The following PRKAR1A variants were observed in gnomAD, a reference collection of about 807,000 sequenced individuals.
PRKAR1A encodes the protein protein kinase cAMP-dependent type I regulatory subunit alpha.
A neutral mutation model predicts 52.0 loss-of-function variants in PRKAR1A; 3 were observed. That is an observed-to-expected ratio of 0.06 (90% CI 0.03 to 0.15). The LOEUF is 0.15. Ranked by LOEUF, PRKAR1A falls within the 10% of genes least tolerant of loss-of-function variation. PRKAR1A has a pLI of 1.00. For synonymous variants in PRKAR1A, 188 were observed against 168.4 expected (o/e 1.12, Z -0.90); for missense variants, 240 against 477.4 (o/e 0.50, Z 4.63).
the PRKAR1A span, chr17:68,444,699 G>A: frequency 1.2e-6 from 1 of 828,266 alleles, no homozygotes; most frequent in Admixed American, 3.1e-5. Context: ...TAAGCCTAAA[G>A]CAGAATTTTG....
chr17:68,528,145 CTG>C (rs1157157921), intron 8 of PRKAR1A, among the ~76,000 whole-genome samples: 1 of 152,168 alleles, frequency 6.6e-6, no homozygotes, highest in Non-Finnish European at 1.5e-5. Flanking sequence ...TACATTTCCT[CTG>C]TGGAAAGATT....
the PRKAR1A span, among the ~76,000 whole-genome samples, chr17:68,487,757 G>A: frequency 9.3e-5 from 14 of 150,360 alleles, no homozygotes; most frequent in African/African-American, 3.4e-4. Context: ...CTGAGATCAC[G>A]CCACTGCACT....
Position 68,530,525 on chromosome 17 carries a change from A to C in PRKAR1A, c.*76A>C, listed in dbSNP as rs775957815. 3.2e-5 allele frequency: 51 copies of C among 1,611,828 alleles called. No individual in the cohort carries two copies. Among genetic ancestry groups the C allele is most frequent in the Non-Finnish European group, 3.7e-5 (44 of 1,179,252 alleles). ...TCATGCAAACTGCTTTATTTTCCCT[A>C]CTTGCAGCGCCAAGTGGCCACTGGC... On this transcript the variant is annotated 3_prime_UTR_variant, in exon 11 of 11. Coordinates refer to ENST00000589228, the MANE Select transcript of PRKAR1A (RefSeq NM_002734.5).
chr17:68,433,780 T>TG, the PRKAR1A span, among the ~76,000 whole-genome samples: 3 of 126,078 alleles, frequency 2.4e-5, no homozygotes, highest in African/African-American at 9.5e-5. Flanking sequence ...TTTTTTTTTT[T>TG]TTTTTTTTTT....
the PRKAR1A span, among the ~76,000 whole-genome samples, chr17:68,418,694 C>T: frequency 2.4e-4 from 37 of 152,194 alleles, no homozygotes; most frequent in Middle Eastern, 6.8e-3. Context: ...GATAAGAAGT[C>T]GTCAGTGGAA....
chr17:68,449,634 TCCTGCTCCTGCCACGTAAGACG>T, the PRKAR1A span, among the ~76,000 whole-genome samples: 1 of 152,176 alleles, frequency 6.6e-6, no homozygotes, highest in Non-Finnish European at 1.5e-5. Context: ...CGTCTCTTGG[TCCTGCTCCTGCCACGTAAGACG>T]CCTGCTCCCG....
chr17:68,424,064 C>T, the PRKAR1A span, among the ~76,000 whole-genome samples: 2 of 152,178 alleles, frequency 1.3e-5, no homozygotes, highest in Non-Finnish European at 2.9e-5. Flanking sequence ...TAACCACCGC[C>T]TCTTGAGGGT....
At position 68,515,525 on chromosome 17, in the gene PRKAR1A, A is replaced by C; in HGVS notation, c.126A>C (p.Arg42=). 1 of 1,613,078 alleles carries C rather than the reference A, an allele frequency of 6.2e-7. No homozygotes were observed. The highest frequency in any genetic ancestry group is 1.1e-5 in the South Asian group (1 of 91,018). Residue 42 remains arginine (R), a synonymous_variant, in exon 2 of 11, where the codon CGA becomes CGC. Transcript: ENST00000589228. The part of the protein sequence containing the change: ...KDSIVQLCTA[R]PERPMAFLRE... ...CTATTGTGCAGTTGTGCACTGCTCGACCTGAGAGACCCATGGCATTCCTCA... is the reference window on the plus strand; with the variant it reads ...CTATTGTGCAGTTGTGCACTGCTCGCCCTGAGAGACCCATGGCATTCCTCA...
At chr17:68,534,149 A>G (rs914218616), downstream of PRKAR1A, among the ~76,000 whole-genome samples, 2 of 152,234 alleles carry the variant, frequency 1.3e-5, no homozygotes, top group Admixed American at 1.3e-4. Flanking sequence ...ATGTACCGCT[A>G]ACATTTGTTT....
At chr17:68,525,061 G>T in intron 6 of PRKAR1A, 103 bp downstream of exon 6, 1 of 916,154 alleles carries the variant, frequency 1.1e-6, no homozygotes, top group East Asian at 2.4e-5. Context: ...TACATCCCTT[G>T]TATGTCAGAT....
chr17:68,434,492 C>T, the PRKAR1A span: 4 of 1,572,898 alleles, frequency 2.5e-6, no homozygotes, highest in Non-Finnish European at 3.5e-6. Context: ...CCCTAGACAG[C>T]TGCCAGCGGT....
the PRKAR1A span, among the ~76,000 whole-genome samples, chr17:68,418,243 G>A: frequency 6.6e-6 from 1 of 152,176 alleles, no homozygotes; most frequent in Non-Finnish European, 1.5e-5. Context: ...CTAATCAGTA[G>A]TCAGTTCCCT....
At chr17:68,527,945 C>A in intron 8 of PRKAR1A, 45 bp downstream of exon 8, 1 of 1,496,446 alleles carries the variant, frequency 6.7e-7, no homozygotes, top group Non-Finnish European at 9.3e-7. Flanking sequence ...TGAGATACCC[C>A]TGAATTAGAA....
the PRKAR1A span, among the ~76,000 whole-genome samples, chr17:68,486,531 T>TCCTTCCTTCCC: frequency 7.7e-6 from 1 of 129,660 alleles, no homozygotes; most frequent in Non-Finnish European, 1.7e-5. Context: ...CTTTCTTTCT[T>TCCTTCCTTCCC]TCTTTCTTTC....
At chr17:68,536,103 T>G (rs755658880), downstream of PRKAR1A, 5 of 454,008 alleles carry the variant, frequency 1.1e-5, no homozygotes, top group South Asian at 7.8e-5. Context: ...AGGGGCAGCA[T>G]ACCAGTCATG....
upstream of PRKAR1A, among the ~76,000 whole-genome samples, chr17:68,510,751 G>A (rs2085253153): frequency 6.6e-6 from 1 of 152,188 alleles, no homozygotes; most frequent in South Asian, 2.1e-4. Context: ...GGGAGTCAGT[G>A]AAAGGAGAAA....
chr17:68,542,199 G>A (rs2086329826), intron 11 of PRKAR1A: 1 of 1,609,784 alleles, frequency 6.2e-7, no homozygotes, highest in Non-Finnish European at 8.5e-7. Flanking sequence ...AGGAGTAAGT[G>A]GAGGGCTCTG....
the PRKAR1A span, among the ~76,000 whole-genome samples, chr17:68,502,221 G>A: frequency 6.6e-6 from 1 of 152,168 alleles, no homozygotes; most frequent in African/African-American, 2.4e-5. Context: ...AGGCCATTCA[G>A]TAAATCCCCA....
intron 1 of PRKAR1A, among the ~76,000 whole-genome samples, chr17:68,514,488 A>G (rs572264977): frequency 3.3e-5 from 5 of 152,270 alleles, no homozygotes; most frequent in Non-Finnish European, 5.9e-5. Context: ...GCTGCTCATC[A>G]TTATCTCTGT....
Sources: allele counts gnomAD v4.1 joint callset (sites outside exome capture counted in the v4.1 genomes callset), GRCh38; gene constraint gnomAD v4.1.1; transcripts MANE v1.5; gene names NCBI Gene and HGNC (gene_info 2026-07-23, HGNC 2026-07-21).